Variants in TRAF4 observed in about 807,000 individuals in gnomAD.
TRAF4 encodes the protein TNF receptor-associated factor 4.
TRAF4 carries 9 observed loss-of-function variants against 47.3 expected under a neutral mutation model. The observed-to-expected ratio is 0.19, with a 90% confidence interval of 0.11 to 0.33. The LOEUF (loss-of-function observed/expected upper bound fraction) is 0.33. TRAF4 is among the 10% of genes least tolerant of loss of function. The pLI is 1.00. For missense variants in TRAF4, 448 were observed against 620.3 expected, an observed-to-expected ratio of 0.72 and a Z score of 2.95; for synonymous variants, 236 against 236.9, an observed-to-expected ratio of 1.00 and a Z score of 0.04.
At chr17:28,748,776 C>T in intron 6 of TRAF4, 110 bp downstream of exon 6, 7 of 1,513,410 alleles carry the variant, frequency 4.6e-6, no homozygotes, top group Non-Finnish European at 5.3e-6. Flanking sequence ...TGCTCTGAAA[C>T]CCTCAGTCCT....
In TRAF4 at chr17:28,750,647, C is replaced by T. The variant is rs1275164177; in HGVS notation, c.*1070C>T. ...ATGTTCAAGGCACTTGGATTTTCTCCTGTCTCTCATCGGCTTTTCTTAACG... is the reference window on the plus strand; with the variant it reads ...ATGTTCAAGGCACTTGGATTTTCTCTTGTCTCTCATCGGCTTTTCTTAACG... On this transcript the variant is annotated 3_prime_UTR_variant, in exon 7 of 7. Coordinates refer to ENST00000262395, the MANE Select transcript of TRAF4 (RefSeq NM_004295.4). The T allele has an allele frequency of 6.7e-6, 1 of 149,858 alleles. No individual in the cohort carries two copies. The highest frequency in any genetic ancestry group is 1.5e-5 in the Non-Finnish European group (1 of 67,358). The allele number at this position is 149,858 out of a possible 1,614,324, so 9.3% of individuals were successfully genotyped here.
chr17:28,748,088 T>G lies in TRAF4; in HGVS notation c.372T>G (p.Arg124=). Residue 124 remains arginine, a synonymous_variant, in exon 4 of 7, where the codon CGT becomes CGG. Transcript: ENST00000262395. ...PNRCPMKLSR[R]DLPAHLQHDC... ...GCTGCCCCATGAAGCTGAGCCGCCG[T>G]GATCTACCTGCACACTTGCAGCATG... 1 of 1,613,958 alleles carries G rather than the reference T, an allele frequency of 6.2e-7. No homozygotes were observed. The highest frequency in any genetic ancestry group is 1.3e-5 in the African/African-American group (1 of 75,006).
rs1345118931 is a variant in TRAF4, at chr17:28,749,374, G to C, written c.1210G>C (p.Val404Leu). The change falls in exon 7 of 7, where the codon GTC becomes CTC. Residue 404 changes from valine (V) to leucine (L), a missense_variant. Val to Leu is a conservative substitution (Grantham distance 32). Transcript: ENST00000262395. ...CCCTGGGCTGGCTAAACCACAGCACGTCACTGAGACCTTCCACCCCGACCC... is the reference window on the plus strand; with the variant it reads ...CCCTGGGCTGGCTAAACCACAGCACCTCACTGAGACCTTCCACCCCGACCC... ...SDPGLAKPQHVTETFHPDPNW... is the reference protein window; with the variant it reads ...SDPGLAKPQHLTETFHPDPNW... The C allele has an allele frequency of 6.2e-7, 1 of 1,613,996 alleles. No homozygotes were observed. The highest frequency in any genetic ancestry group is 8.5e-7 in the Non-Finnish European group (1 of 1,180,032).
Position 28,744,072 on chromosome 17 carries a change from C to A in TRAF4, c.-41C>A. 7.3e-7 allele frequency: 1 copy of A among 1,373,056 alleles called. No individual in the cohort carries two copies. Among genetic ancestry groups the A allele is most frequent in the Non-Finnish European group, 9.5e-7 (1 of 1,054,554 alleles). 85.1% of individuals were successfully genotyped at this position (1,373,056 alleles called of 1,614,324 possible). A position where few individuals can be genotyped will look rare whatever the true frequency, so the allele number is the denominator to read the frequency against. ...CGAGGCGCGGGCTGTGGGGCCGCCG[C>A]GTGCCTGGCCCCGCTCGCCCGTGCC... On this transcript the variant is annotated 5_prime_UTR_variant, in exon 1 of 7. Transcript: ENST00000262395.
At position 28,749,924 on chromosome 17, in the gene TRAF4, G is replaced by C. The variant is rs1220290871; in HGVS notation, c.*347G>C. The C allele has an allele frequency of 1.4e-6, 1 of 698,482 alleles. No homozygotes were observed. 43.3% of individuals were successfully genotyped at this position (698,482 alleles called of 1,614,324 possible). A position where few individuals can be genotyped will look rare whatever the true frequency, so the allele number is the denominator to read the frequency against. Reference sequence around the variant, plus strand: ...CAAGAGCCATAAGGGGGTGGGAATTGGGGAGGGAGAAAGGGTAGTTCAAAG... The same window carrying C: ...CAAGAGCCATAAGGGGGTGGGAATTCGGGAGGGAGAAAGGGTAGTTCAAAG... On this transcript the variant is annotated 3_prime_UTR_variant, in exon 7 of 7. Coordinates refer to ENST00000262395, the MANE Select transcript of TRAF4 (RefSeq NM_004295.4).
At chr17:28,744,398 AG>A in intron 1 of TRAF4, 143 bp downstream of exon 1, 2 of 978,020 alleles carry the variant, frequency 2.0e-6, no homozygotes, top group South Asian at 1.7e-5. Flanking sequence ...CGTCACGGGG[AG>A]GGATGACGTC....
chr17:28,747,224 T>C lies in TRAF4; in HGVS notation c.155T>C (p.Phe52Ser). ...CTCCCCCATTTCAGTGAAGGAGTCT[T>C]CAAGTGCCCTGAGGACCAGCTTCCT... Reference protein sequence around the residue: ...CLQEFLSEGVFKCPEDQLPLD... With the variant: ...CLQEFLSEGVSKCPEDQLPLD... Residue 52 changes from phenylalanine to serine, a missense_variant, in exon 2 of 7, where the codon TTC becomes TCC. Coordinates refer to ENST00000262395, the MANE Select transcript of TRAF4 (RefSeq NM_004295.4). 5 of 1,613,780 alleles carry C rather than the reference T, an allele frequency of 3.1e-6. No individual in the cohort carries two copies. The highest frequency in any genetic ancestry group is 4.2e-6 in the Non-Finnish European group (5 of 1,179,850).
Position 28,750,713 on chromosome 17 carries a change from G to A in TRAF4, c.*1136G>A, listed in dbSNP as rs987959965. ...ATGTGATTATCCACGTTTCACCTAT[G>A]AAACATGAACAGAGGAGACTGACTT... is the stretch of plus-strand genomic sequence containing the variant. On this transcript the variant is annotated 3_prime_UTR_variant, in exon 7 of 7. Coordinates refer to ENST00000262395, the MANE Select transcript of TRAF4 (RefSeq NM_004295.4). The A allele has an allele frequency of 1.3e-5, 2 of 152,194 alleles. No individual in the cohort carries two copies. Among genetic ancestry groups the A allele is most frequent in the Non-Finnish European group, 2.9e-5 (2 of 68,038 alleles). 9.4% of individuals were successfully genotyped at this position (152,194 alleles called of 1,614,324 possible). A position where few individuals can be genotyped will look rare whatever the true frequency, so the allele number is the denominator to read the frequency against.
intron 1 of TRAF4, 124 bp downstream of exon 1, chr17:28,744,379 G>A (rs1028949648): frequency 8.0e-6 from 9 of 1,126,600 alleles, no homozygotes; most frequent in Non-Finnish European, 9.7e-6. Context: ...CCTCAGGGGC[G>A]CCCCGTGACG....
intron 2 of TRAF4, chr17:28,747,622 C>G (rs944945325): frequency 4.7e-5 from 28 of 595,502 alleles, no homozygotes; most frequent in South Asian, 1.4e-4. Flanking sequence ...GGCTGATTGG[C>G]TGCCTCTTCA....
chr17:28,745,417 T>A (rs2034496167), intron 1 of TRAF4: 1 of 152,642 alleles, frequency 6.6e-6, no homozygotes, highest in Non-Finnish European at 1.5e-5. Flanking sequence ...GCCACTGCTC[T>A]TCCCCGGCCC....
Position 28,749,962 on chromosome 17 carries a change from G to C in TRAF4, c.*385G>C, listed in dbSNP as rs1027613358. The C allele has an allele frequency of 1.5e-6, 1 of 673,734 alleles. No homozygotes were observed. Among genetic ancestry groups the C allele is most frequent in the African/African-American group, 1.8e-5 (1 of 56,626 alleles). The allele number at this position is 673,734 out of a possible 1,614,324, so 41.7% of individuals were successfully genotyped here. A position where few individuals can be genotyped will look rare whatever the true frequency, so the allele number is the denominator to read the frequency against. On this transcript the variant is annotated 3_prime_UTR_variant, in exon 7 of 7. Transcript: ENST00000262395. ...GGGTAGTTCAAAGAGTCTGTCTTGAGATCTGATTTTTTCCCCCTTTACCTA... is the reference window on the plus strand; with the variant it reads ...GGGTAGTTCAAAGAGTCTGTCTTGACATCTGATTTTTTCCCCCTTTACCTA...
At chr17:28,744,378 C>T in intron 1 of TRAF4, 123 bp downstream of exon 1, 2 of 1,121,902 alleles carry the variant, frequency 1.8e-6, no homozygotes, top group Non-Finnish European at 2.4e-6. Context: ...ACCTCAGGGG[C>T]GCCCCGTGAC....
At chr17:28,748,755 C>T in intron 6 of TRAF4, 89 bp downstream of exon 6, 1 of 1,545,664 alleles carries the variant, frequency 6.5e-7, no homozygotes, top group Non-Finnish European at 8.7e-7. Context: ...CCTTGGTGGT[C>T]CCTGCTGTGC....
Position 28,748,626 on chromosome 17 carries a change from T to C in TRAF4, c.740T>C (p.Leu247Pro), listed in dbSNP as rs370410197. ...GHLKDSCNTA[L>P]VLCPFKDSGC... ...CTGAAGGACAGCTGTAACACCGCCC[T>C]GGTGCTCTGCCCATTCAAAGACTCC... Residue 247 changes from leucine (L) to proline (P), a missense_variant, in exon 6 of 7, where the codon CTG (leucine) becomes CCG (proline). Coordinates refer to ENST00000262395, the MANE Select transcript of TRAF4 (RefSeq NM_004295.4). 13 of 1,612,716 alleles carry C rather than the reference T, an allele frequency of 8.1e-6. No homozygotes were observed. The highest frequency in any genetic ancestry group is 6.7e-5 in the Admixed American group (4 of 59,980).
chr17:28,748,822 C>A, intron 6 of TRAF4, 123 bp from the exon 7 acceptor site: 1 of 1,476,538 alleles, frequency 6.8e-7, no homozygotes. Flanking sequence ...TTCCTAACAC[C>A]CTCTGTCTTC....
chr17:28,749,845 T>G lies in TRAF4; in HGVS notation c.*268T>G. Reference sequence around the variant, plus strand: ...CCTTCTTGGGTAGGGCAGACATGCCTTGGTGCCGGTCACACTCTACACGGA... The same window carrying G: ...CCTTCTTGGGTAGGGCAGACATGCCGTGGTGCCGGTCACACTCTACACGGA... On this transcript the variant is annotated 3_prime_UTR_variant, in exon 7 of 7. Transcript: ENST00000262395. 1 of 709,340 alleles carries G rather than the reference T, an allele frequency of 1.4e-6. No homozygotes were observed. The highest frequency in any genetic ancestry group is 1.7e-5 in the African/African-American group (1 of 57,478). 43.9% of individuals were successfully genotyped at this position (709,340 alleles called of 1,614,324 possible).
Position 28,744,150 on chromosome 17 carries a change from A to G in TRAF4, c.38A>G (p.Lys13Arg). 1 of 1,593,308 alleles carries G rather than the reference A, an allele frequency of 6.3e-7. No homozygotes were observed. Among genetic ancestry groups the G allele is most frequent in the Non-Finnish European group, 8.5e-7 (1 of 1,177,272 alleles). Residue 13 changes from lysine (K) to arginine (R), a missense_variant, in exon 1 of 7, where the codon AAG becomes AGG. Coordinates refer to ENST00000262395, the MANE Select transcript of TRAF4 (RefSeq NM_004295.4). ...GFDYKFLEKP[K>R]RRLLCPLCGK... is the part of the protein sequence containing the mutation. The stretch of plus-strand genomic sequence containing the variant: ...GACTACAAGTTCCTGGAGAAGCCCA[A>G]GCGACGGCTGCTGTGCCCACTGTGC...
intron 1 of TRAF4, chr17:28,746,687 C>G (rs2034518192): frequency 6.6e-6 from 1 of 152,646 alleles, no homozygotes; most frequent in Non-Finnish European, 1.5e-5. Context: ...AAGGAGCATG[C>G]CTTTCCTCCC....
Sources: gnomAD v4.1 joint callset for allele counts on GRCh38, gnomAD v4.1.1 for gene constraint, MANE v1.5 for transcripts, NCBI Gene and HGNC (gene_info 2026-07-23, HGNC 2026-07-21) for gene names.